CTNNA2: variants seen among roughly 807,000 people sequenced by gnomAD.
The protein encoded by CTNNA2 is catenin alpha 2.
A neutral mutation model predicts 101.0 loss-of-function variants in CTNNA2; 42 were observed. That is an observed-to-expected ratio of 0.42 (90% CI 0.32 to 0.54). The LOEUF (loss-of-function observed/expected upper bound fraction) is 0.54, where lower values mean the gene tolerates loss of function less well. Among genes scored for constraint, CTNNA2 ranks in the 20% least tolerant of loss-of-function variants. The pLI is 0.14. For missense variants in CTNNA2, 871 were observed against 1,223.1 expected, an observed-to-expected ratio of 0.71 and a Z score of 4.29; for synonymous variants, 450 against 456.4, an observed-to-expected ratio of 0.99 and a Z score of 0.18.
chr2:79,826,591 A>G (rs1678456033), intron 3 of CTNNA2, among the ~76,000 whole-genome samples: 1 of 152,220 alleles, frequency 6.6e-6, no homozygotes, highest in Admixed American at 6.5e-5. Flanking sequence ...CAAGGAATGG[A>G]GCTAACAGTG....
At chr2:79,756,805 A>G (rs898423105) in intron 3 of CTNNA2, among the ~76,000 whole-genome samples, 4 of 152,224 alleles carry the variant, frequency 2.6e-5, no homozygotes, top group Non-Finnish European at 5.9e-5. Context: ...GATGGCAAAT[A>G]AGCATAAGAA....
At chr2:80,469,916 T>A (rs970634058) in intron 9 of CTNNA2, among the ~76,000 whole-genome samples, 2 of 152,196 alleles carry the variant, frequency 1.3e-5, no homozygotes, top group African/African-American at 4.8e-5. Flanking sequence ...GCAATGGCCA[T>A]GTCAATATAC....
At chr2:79,185,753 T>A (rs1000321649) in intron 1 of CTNNA2, among the ~76,000 whole-genome samples, 33 of 152,184 alleles carry the variant, frequency 2.2e-4, no homozygotes, top group African/African-American at 8.0e-4. Flanking sequence ...GTCACTGTTG[T>A]TCCCACCAAG....
chr2:79,646,084 C>T (rs1426374099), intron 1 of CTNNA2, among the ~76,000 whole-genome samples: 1 of 152,140 alleles, frequency 6.6e-6, no homozygotes, highest in Non-Finnish European at 1.5e-5. Context: ...GGAAAGCATC[C>T]TGGGCTATTG....
At chr2:79,897,214 C>T (rs202168578) in intron 6 of CTNNA2, among the ~76,000 whole-genome samples, 3 of 151,474 alleles carry the variant, frequency 2.0e-5, no homozygotes, top group East Asian at 1.9e-4. Flanking sequence ...TGAAACTTGT[C>T]GGGTCCTAGA....
At chr2:80,410,563 G>T (rs756565783) in intron 8 of CTNNA2, among the ~76,000 whole-genome samples, 58 of 152,128 alleles carry the variant, frequency 3.8e-4, no homozygotes, top group Non-Finnish European at 6.3e-4. Context: ...TTTCTGCCCT[G>T]GTTGATTGAT....
At chr2:80,528,652 C>T (rs1690249512) in intron 9 of CTNNA2, among the ~76,000 whole-genome samples, 1 of 151,776 alleles carries the variant, frequency 6.6e-6, no homozygotes, top group Non-Finnish European at 1.5e-5. Context: ...ATGGGTTCTA[C>T]CACATAGAAG....
At chr2:79,673,841 T>A (rs530218665) in intron 2 of CTNNA2, among the ~76,000 whole-genome samples, 21 of 152,322 alleles carry the variant, frequency 1.4e-4, no homozygotes, top group African/African-American at 4.8e-4. Context: ...TGCTCCGTGT[T>A]TTATTTCCTA....
intron 3 of CTNNA2, among the ~76,000 whole-genome samples, chr2:79,802,339 A>T (rs1407267610): frequency 1.3e-5 from 2 of 152,226 alleles, no homozygotes; most frequent in Non-Finnish European, 2.9e-5. Context: ...TTCCATTTTT[A>T]CAAAGTAGAG....
intron 7 of CTNNA2, among the ~76,000 whole-genome samples, chr2:80,191,347 G>T (rs1306476351): frequency 6.6e-6 from 1 of 152,174 alleles, no homozygotes; most frequent in Non-Finnish European, 1.5e-5. Flanking sequence ...CTTATTGGCT[G>T]TCTTTATTTA....
chr2:80,553,275 A>G (rs1462726034), intron 11 of CTNNA2, among the ~76,000 whole-genome samples: 1 of 152,068 alleles, frequency 6.6e-6, no homozygotes, highest in African/African-American at 2.4e-5. Context: ...AGTAAATTAT[A>G]AAACTAATAC....
chr2:79,338,683 G>A lies in CTNNA2; in HGVS notation c.-318+25887G>A, dbSNP rs560802867. ...CTGCTCTGGATTATTTGGTGGGGGC[G>A]GGGTAGGGCAAAATATAATAATGGA... is the stretch of plus-strand genomic sequence containing the variant. On this transcript the variant is annotated intron_variant, in intron 3 of 21. Coordinates refer to the CTNNA2 transcript ENST00000466387. 2.1e-4 allele frequency among the ~76,000 whole-genome samples: 32 copies of A among 149,504 alleles called. 1 individual carries two copies. The South Asian group carries it at 5.7e-3, about 27-fold the overall frequency.
intron 15 of CTNNA2, chr2:80,601,843 G>GT (rs1435516881): frequency 1.3e-5 from 2 of 151,816 alleles, no homozygotes; most frequent in African/African-American, 4.8e-5. Flanking sequence ...TTTAGTTAGT[G>GT]TTTTTTGTAA....
chr2:79,863,411 G>A (rs1172739839), intron 4 of CTNNA2, among the ~76,000 whole-genome samples: 1 of 152,100 alleles, frequency 6.6e-6, no homozygotes, highest in Non-Finnish European at 1.5e-5. Flanking sequence ...AACTAAATGA[G>A]GTTTGCCTCT....
chr2:79,258,619 T>C (rs1266331915), intron 2 of CTNNA2, among the ~76,000 whole-genome samples: 1 of 152,122 alleles, frequency 6.6e-6, no homozygotes, highest in Non-Finnish European at 1.5e-5. Context: ...GAAAAAATGT[T>C]TTTCAGAGAA....
intron 12 of CTNNA2, among the ~76,000 whole-genome samples, chr2:80,573,583 G>A (rs1301177359): frequency 6.6e-6 from 1 of 152,030 alleles, no homozygotes; most frequent in East Asian, 1.9e-4. Flanking sequence ...ACAAAAGTGG[G>A]AAGGGTTGTA....
At chr2:79,444,963 TTGAACC>T (rs1678817206) in intron 4 of CTNNA2, among the ~76,000 whole-genome samples, 1 of 152,042 alleles carries the variant, frequency 6.6e-6, no homozygotes, top group South Asian at 2.1e-4. Context: ...AAAAAAGAAG[TTGAACC>T]TGCCTAGATT....
At chr2:80,645,475 A>G (rs1439308507) in intron 18 of CTNNA2, among the ~76,000 whole-genome samples, 4 of 152,196 alleles carry the variant, frequency 2.6e-5, no homozygotes, top group South Asian at 2.1e-4. Flanking sequence ...AACCATCAAG[A>G]CAGTCTTTAG....
At chr2:80,589,519 T>G in intron 15 of CTNNA2, 34 bp downstream of exon 15, 2 of 1,600,748 alleles carry the variant, frequency 1.2e-6, no homozygotes, top group Non-Finnish European at 1.7e-6. Context: ...GAAGATTTTT[T>G]CATTAAACCC....
Sources: allele counts gnomAD v4.1 joint callset (sites outside exome capture counted in the v4.1 genomes callset), GRCh38; gene constraint gnomAD v4.1.1; transcripts MANE v1.5; gene names NCBI Gene and HGNC (gene_info 2026-07-23, HGNC 2026-07-21).